Variants in RAB3GAP1 observed in about 807,000 individuals in gnomAD.
RAB3GAP1 encodes rab3 GTPase-activating protein catalytic subunit.
In RAB3GAP1, 86 loss-of-function variants were observed where a neutral mutation model predicts 130.7. The ratio of observed to expected loss-of-function variants is 0.66; its 90% CI spans 0.55 to 0.79. The LOEUF (loss-of-function observed/expected upper bound fraction) is 0.79, where lower values mean the gene tolerates loss of function less well. RAB3GAP1 is among the 30% of genes least tolerant of loss of function. The pLI, the probability that RAB3GAP1 is intolerant of heterozygous loss-of-function variation, is 0.00. For synonymous variants in RAB3GAP1, 367 were observed against 401.7 expected, an observed-to-expected ratio of 0.91 and a Z score of 1.03; for missense variants, 1,029 against 1,169.4, an observed-to-expected ratio of 0.88 and a Z score of 1.75.
intron 3 of RAB3GAP1, among the ~76,000 whole-genome samples, chr2:135,061,959 G>T (rs1689183390): frequency 6.6e-6 from 1 of 152,006 alleles, no homozygotes; most frequent in African/African-American, 2.4e-5. Context: ...GACCTAAGTG[G>T]TCTACTTCTG....
chr2:135,066,618 G>C (rs545681204), intron 3 of RAB3GAP1, among the ~76,000 whole-genome samples: 1 of 152,094 alleles, frequency 6.6e-6, no homozygotes, highest in Non-Finnish European at 1.5e-5. Context: ...TTAAGTGTGT[G>C]TAAAATTACT....
rs1389379985 is a variant in RAB3GAP1, at chr2:135,093,722, T to C, written c.362+29T>C. 4 of 1,539,472 alleles carry C rather than the reference T, an allele frequency of 2.6e-6. No individual in the cohort carries two copies. In the East Asian group the frequency reaches 9.0e-5, roughly 35 times the overall value. Reference sequence around the variant, plus strand: ...GGTATATCTTTTACTCAGTATCTTTTAGTATGTGTGTTGCGGGGGACCTCA... The same window carrying C: ...GGTATATCTTTTACTCAGTATCTTTCAGTATGTGTGTTGCGGGGGACCTCA... On this transcript the variant is annotated intron_variant, in intron 5 of 23. Transcript: ENST00000264158.
At chr2:135,160,470 G>A (rs1235207857) in intron 19 of RAB3GAP1, among the ~76,000 whole-genome samples, 1 of 151,810 alleles carries the variant, frequency 6.6e-6, no homozygotes, top group Non-Finnish European at 1.5e-5. Context: ...TCAGGAGTTC[G>A]AGACCAGCCT....
At chr2:135,170,742 A>G (rs2305248), downstream of RAB3GAP1, 47,409 of 152,028 alleles carry the variant, frequency 0.31, 11,201 homozygotes, top group African/African-American at 0.65. Flanking sequence ...CCAGGCTTTG[A>G]GGATCAGGAA....
At chr2:135,088,458 G>A (rs113535831) in intron 3 of RAB3GAP1, among the ~76,000 whole-genome samples, 6,878 of 152,054 alleles carry the variant, frequency 0.045, 529 homozygotes, top group African/African-American at 0.16. Context: ...GGAGGCTGAG[G>A]TGGGCAGATG....
Position 135,169,104 on chromosome 2 carries a change from C to T in RAB3GAP1, c.*323C>T, listed in dbSNP as rs758146414. Reference sequence around the variant, plus strand: ...AGGACGGTGTTCATCGCATTCTCTTCTGTGACCAGCCTCTAGGCTAGCGGC... The same window carrying T: ...AGGACGGTGTTCATCGCATTCTCTTTTGTGACCAGCCTCTAGGCTAGCGGC... On this transcript the variant is annotated 3_prime_UTR_variant, in exon 24 of 24. Transcript: ENST00000264158. 2.4e-6 allele frequency: 1 copy of T among 418,994 alleles called. No homozygotes were observed. The allele number at this position is 418,994 out of a possible 1,614,324, so 26.0% of individuals were successfully genotyped here.
At chr2:135,071,997 C>T (rs959543950) in intron 3 of RAB3GAP1, among the ~76,000 whole-genome samples, 2 of 152,172 alleles carry the variant, frequency 1.3e-5, no homozygotes, top group Admixed American at 1.3e-4. Context: ...ATTGCAACCT[C>T]CATCTCCAGG....
intron 23 of RAB3GAP1, chr2:135,165,145 T>C (rs1467944527): frequency 2.2e-6 from 1 of 456,450 alleles, no homozygotes; most frequent in Admixed American, 2.4e-5. Flanking sequence ...AGATCTACCT[T>C]TGAGGTTTCC....
chr2:135,142,672 T>C (rs1225051287), intron 17 of RAB3GAP1, among the ~76,000 whole-genome samples: 1 of 152,082 alleles, frequency 6.6e-6, no homozygotes, highest in Non-Finnish European at 1.5e-5. Flanking sequence ...CCATTCCTAG[T>C]TTGCTTAGAG....
intron 7 of RAB3GAP1, among the ~76,000 whole-genome samples, chr2:135,116,509 A>G (rs527398818): frequency 2.0e-5 from 3 of 152,310 alleles, no homozygotes; most frequent in South Asian, 4.1e-4. Context: ...TAAATGCAAC[A>G]CATGATTCTT....
chr2:135,092,751 T>C (rs2104878192), intron 4 of RAB3GAP1, among the ~76,000 whole-genome samples: 1 of 152,340 alleles, frequency 6.6e-6, no homozygotes, highest in Non-Finnish European at 1.5e-5. Context: ...GGTGAATGAA[T>C]TTTAAGCTAG....
At chr2:135,126,459 A>T (rs1691350103) in intron 10 of RAB3GAP1, 124 bp from the exon 11 acceptor site, 1 of 1,011,882 alleles carries the variant, frequency 9.9e-7, no homozygotes, top group Non-Finnish European at 1.5e-6. Context: ...GATAAGAGTA[A>T]GTTTAAGGGA....
chr2:135,089,788 A>G, intron 3 of RAB3GAP1: 1 of 381,450 alleles, frequency 2.6e-6, no homozygotes, highest in South Asian at 1.9e-5. Flanking sequence ...CTTTGTAGGG[A>G]CATGGATGAA....
chr2:135,154,836 A>C (rs921447819), intron 19 of RAB3GAP1, among the ~76,000 whole-genome samples: 3 of 152,164 alleles, frequency 2.0e-5, no homozygotes, highest in Non-Finnish European at 4.4e-5. Context: ...GGGAAAATTA[A>C]GGATCTTGCG....
At chr2:135,118,284 A>G (rs1050636747) in intron 7 of RAB3GAP1, among the ~76,000 whole-genome samples, 1 of 152,244 alleles carries the variant, frequency 6.6e-6, no homozygotes, top group African/African-American at 2.4e-5. Context: ...TAGTTAAAAA[A>G]AAAAGTTTTT....
intron 5 of RAB3GAP1, among the ~76,000 whole-genome samples, chr2:135,104,128 G>A (rs1430117153): frequency 2.0e-5 from 3 of 152,298 alleles, no homozygotes; most frequent in South Asian, 2.1e-4. Flanking sequence ...CAGACAAGAG[G>A]TAGCTGCTAG....
At chr2:135,152,138 A>G (rs1442728364) in intron 18 of RAB3GAP1, among the ~76,000 whole-genome samples, 1 of 152,250 alleles carries the variant, frequency 6.6e-6, no homozygotes, top group Non-Finnish European at 1.5e-5. Context: ...TCTAAAATAG[A>G]TATGGTTGCC....
intron 3 of RAB3GAP1, among the ~76,000 whole-genome samples, chr2:135,059,631 G>C (rs1018457632): frequency 6.6e-6 from 1 of 152,076 alleles, no homozygotes; most frequent in Non-Finnish European, 1.5e-5. Context: ...CTAAGAACAT[G>C]CAAGTTACTC....
At chr2:135,106,278 C>G (rs965478710) in intron 5 of RAB3GAP1, among the ~76,000 whole-genome samples, 1 of 152,192 alleles carries the variant, frequency 6.6e-6, no homozygotes, top group African/African-American at 2.4e-5. Flanking sequence ...TCATTGAGAA[C>G]GGGCCATGAT....
Sources: allele counts gnomAD v4.1 joint callset (sites outside exome capture counted in the v4.1 genomes callset), GRCh38; gene constraint gnomAD v4.1.1; transcripts MANE v1.5; gene names NCBI Gene and HGNC (gene_info 2026-07-23, HGNC 2026-07-21).